GABRB1: variants seen among roughly 807,000 people sequenced by gnomAD.
GABRB1 encodes gamma-aminobutyric acid receptor subunit beta-1.
GABRB1 carries 17 observed loss-of-function variants against 51.6 expected under a neutral mutation model. The observed-to-expected ratio is 0.33, with a 90% CI of 0.23 to 0.49. The LOEUF (loss-of-function observed/expected upper bound fraction) is 0.49. Among genes scored for constraint, GABRB1 ranks in the 20% least tolerant of loss-of-function variants. The pLI is 0.99. For missense variants in GABRB1, 410 were observed against 600.6 expected (o/e 0.68, Z 3.32); for synonymous variants, 247 against 218.9 (o/e 1.13, Z -1.14).
chr4:47,305,895 A>G (rs759087810), intron 4 of GABRB1, among the ~76,000 whole-genome samples: 1 of 152,026 alleles, frequency 6.6e-6, no homozygotes, highest in Non-Finnish European at 1.5e-5. Flanking sequence ...GTAAGTGGAG[A>G]TATTTTGGGA....
At chr4:47,298,890 G>C (rs1176997110) in intron 4 of GABRB1, among the ~76,000 whole-genome samples, 5 of 151,656 alleles carry the variant, frequency 3.3e-5, no homozygotes, top group Admixed American at 3.3e-4. Context: ...CCAAAACAGA[G>C]ATATAGACCA....
In GABRB1 at chr4:47,047,680, C is replaced by T. The variant is rs368034355; in HGVS notation, c.240+15196C>T. Reference sequence around the variant, plus strand: ...GCATTAGCAATTAATATTATTTATTCCTGAGTTAAACTTTATAAAAGTAAG... The same window carrying T: ...GCATTAGCAATTAATATTATTTATTTCTGAGTTAAACTTTATAAAAGTAAG... On this transcript the variant is annotated intron_variant, in intron 3 of 8. Transcript: ENST00000295454. 3.7e-4 allele frequency among the ~76,000 whole-genome samples: 56 copies of T among 152,134 alleles called. No homozygotes were observed. In the Middle Eastern group the frequency reaches 0.014, roughly 37 times the overall value.
intron 4 of GABRB1, among the ~76,000 whole-genome samples, chr4:47,220,915 A>G (rs909748431): frequency 1.1e-4 from 17 of 152,030 alleles, no homozygotes; most frequent in Non-Finnish European, 2.4e-4. Flanking sequence ...TAATTAGCTT[A>G]GATCTCAAAT....
intron 4 of GABRB1, among the ~76,000 whole-genome samples, chr4:47,184,253 A>G (rs570506532): frequency 3.4e-4 from 52 of 151,958 alleles, no homozygotes; most frequent in African/African-American, 1.2e-3. Context: ...TTATCTCATA[A>G]CCGTAACACC....
intron 4 of GABRB1, among the ~76,000 whole-genome samples, chr4:47,229,004 T>C (rs1437869934): frequency 6.6e-6 from 1 of 152,180 alleles, no homozygotes; most frequent in East Asian, 1.9e-4. Flanking sequence ...CCAGGCACTG[T>C]GCTGGGGCAT....
chr4:47,392,191 T>C (rs933480387), intron 5 of GABRB1, among the ~76,000 whole-genome samples: 1 of 152,034 alleles, frequency 6.6e-6, no homozygotes. Flanking sequence ...GAATCTGATG[T>C]GATCCTGTGA....
chr4:47,303,162 T>A (rs1384762044), intron 4 of GABRB1, among the ~76,000 whole-genome samples: 1 of 151,976 alleles, frequency 6.6e-6, no homozygotes, highest in Non-Finnish European at 1.5e-5. Flanking sequence ...GTTTGACTAC[T>A]ATAAAGAAAG....
At chr4:47,299,211 A>G (rs1724143482) in intron 4 of GABRB1, among the ~76,000 whole-genome samples, 1 of 152,204 alleles carries the variant, frequency 6.6e-6, no homozygotes, top group African/African-American at 2.4e-5. Context: ...ACCAAAAGCA[A>G]TGGCAGCAAA....
Position 47,360,035 on chromosome 4 carries a change from G to A in GABRB1, c.544+39826G>A, listed in dbSNP as rs576833374. Among the ~76,000 whole-genome samples, 44 of 151,802 alleles carry A rather than the reference G, an allele frequency of 2.9e-4. No homozygotes were observed. The South Asian group carries it at 9.2e-3, about 32-fold the overall frequency. On this transcript the variant is annotated intron_variant, in intron 5 of 8. Coordinates refer to ENST00000295454, the MANE Select transcript of GABRB1 (RefSeq NM_000812.4). ...CTGTTACATTAACCAACATGAGAGC[G>A]GGGAGGATCACCTAATATGGCCAAA...
chr4:47,221,315 C>T (rs1324212406), intron 4 of GABRB1, among the ~76,000 whole-genome samples: 1 of 151,992 alleles, frequency 6.6e-6, no homozygotes, highest in Non-Finnish European at 1.5e-5. Context: ...ATTCTGAGCA[C>T]TTTTAGGATA....
intron 5 of GABRB1, among the ~76,000 whole-genome samples, chr4:47,398,688 C>T (rs531316500): frequency 6.6e-6 from 1 of 152,326 alleles, no homozygotes; most frequent in East Asian, 1.9e-4. Flanking sequence ...AGGTTCACGC[C>T]ATTCTCCTGC....
chr4:46,996,520 T>C (rs954437193), intron 1 of GABRB1, among the ~76,000 whole-genome samples: 3 of 152,220 alleles, frequency 2.0e-5, no homozygotes, highest in African/African-American at 7.2e-5. Context: ...TATGTAAGTA[T>C]GTGCATTTTC....
intron 3 of GABRB1, among the ~76,000 whole-genome samples, chr4:47,066,553 T>G (rs1476530625): frequency 6.6e-6 from 1 of 152,232 alleles, no homozygotes; most frequent in Non-Finnish European, 1.5e-5. Flanking sequence ...ATTTCCACAA[T>G]GGTCACAGCG....
intron 5 of GABRB1, among the ~76,000 whole-genome samples, chr4:47,334,696 C>T (rs1435220678): frequency 6.6e-6 from 1 of 152,166 alleles, no homozygotes; most frequent in African/African-American, 2.4e-5. Context: ...TAGTTTACAC[C>T]TCCGCTATCT....
intron 5 of GABRB1, among the ~76,000 whole-genome samples, chr4:47,371,669 G>A (rs1007027165): frequency 6.6e-6 from 1 of 151,950 alleles, no homozygotes; most frequent in Non-Finnish European, 1.5e-5. Context: ...GGTTTTGATG[G>A]GCGTTTCTCT....
chr4:47,346,843 G>A lies in GABRB1; in HGVS notation c.544+26634G>A, dbSNP rs532546600. Among the ~76,000 whole-genome samples the A allele has an allele frequency of 3.3e-5, 5 of 152,274 alleles. No homozygotes were observed. The East Asian group carries it at 9.7e-4, about 29-fold the overall frequency. On this transcript the variant is annotated intron_variant, in intron 5 of 8. Coordinates refer to ENST00000295454, the MANE Select transcript of GABRB1 (RefSeq NM_000812.4). ...TACAAAAAGGCATGGATGACCAGGG[G>A]CATCTTCTCTGATTGGTTTTGTAAA... is the stretch of plus-strand genomic sequence containing the variant.
chr4:47,105,622 G>T (rs538002422), intron 3 of GABRB1, among the ~76,000 whole-genome samples: 1 of 152,210 alleles, frequency 6.6e-6, no homozygotes, highest in South Asian at 2.1e-4. Flanking sequence ...CATCTGTGCA[G>T]TGAGTGCAAC....
At chr4:47,039,415 T>C (rs1036340433) in intron 3 of GABRB1, among the ~76,000 whole-genome samples, 1 of 148,926 alleles carries the variant, frequency 6.7e-6, no homozygotes, top group Middle Eastern at 3.2e-3. Flanking sequence ...GTAGAGCTTA[T>C]AGTCTTTTTC....
chr4:47,252,942 CT>C (rs1722049996), intron 4 of GABRB1, among the ~76,000 whole-genome samples: 1 of 152,042 alleles, frequency 6.6e-6, no homozygotes, highest in Non-Finnish European at 1.5e-5. Flanking sequence ...TAATAGAAAA[CT>C]TTTTATAGTA....
Sources: gnomAD v4.1 joint callset for allele counts (sites outside exome capture counted in the v4.1 genomes callset) on GRCh38, gnomAD v4.1.1 for gene constraint, MANE v1.5 for transcripts, NCBI Gene and HGNC (gene_info 2026-07-23, HGNC 2026-07-21) for gene names.